Variants in SLC6A2 observed in about 807,000 individuals in gnomAD.
SLC6A2 encodes solute carrier family 6 member 2.
Under a neutral mutation model 71.7 loss-of-function variants are expected in SLC6A2, and 26 were observed. That is an observed-to-expected ratio of 0.36 (90% CI 0.27 to 0.50). The LOEUF (loss-of-function observed/expected upper bound fraction) is 0.50, where lower values mean the gene tolerates loss of function less well. SLC6A2 is among the 20% of genes least tolerant of loss of function. The pLI is 0.96. For synonymous variants in SLC6A2, 363 were observed against 337.9 expected (o/e 1.07, Z -0.82); for missense variants, 581 against 803.9 (o/e 0.72, Z 3.35).
At chr16:55,674,291 G>T (rs1459777009) in intron 4 of SLC6A2, among the ~76,000 whole-genome samples, 1 of 152,028 alleles carries the variant, frequency 6.6e-6, no homozygotes, top group African/African-American at 2.4e-5. Flanking sequence ...TGCAGTATTT[G>T]GTTTTCTGTT....
Position 55,672,134 on chromosome 16 carries a change from G to A in SLC6A2, c.603G>A (p.Lys201=), listed in dbSNP as rs953897028. ...LNGSVLGNHT[K]YSKYKFTPAA... Reference sequence around the variant, plus strand: ...GCTCCGTGCTTGGCAACCACACCAAGTACTCCAAGTACAAGTTCACGCCGG... The same window carrying A: ...GCTCCGTGCTTGGCAACCACACCAAATACTCCAAGTACAAGTTCACGCCGG... The change falls in exon 4 of 15, where the codon AAG becomes AAA. Residue 201 remains lysine, a synonymous_variant. Transcript: ENST00000568943. 6.2e-7 allele frequency: 1 copy of A among 1,614,164 alleles called. No individual in the cohort carries two copies. The highest frequency in any genetic ancestry group is 2.2e-5 in the East Asian group (1 of 44,882).
At chr16:55,689,913 C>A (rs1965561970) in intron 5 of SLC6A2, among the ~76,000 whole-genome samples, 1 of 152,244 alleles carries the variant, frequency 6.6e-6, no homozygotes, top group South Asian at 2.1e-4. Context: ...CTGATTCCTT[C>A]TGAGCCCAGA....
chr16:55,674,478 G>A (rs1965021159), intron 4 of SLC6A2, among the ~76,000 whole-genome samples: 1 of 151,542 alleles, frequency 6.6e-6, no homozygotes, highest in South Asian at 2.1e-4. Context: ...AGGCTGGAGT[G>A]CAGTGGTGTG....
intron 4 of SLC6A2, among the ~76,000 whole-genome samples, chr16:55,683,570 A>G (rs538038675): frequency 4.6e-5 from 7 of 152,238 alleles, no homozygotes; most frequent in African/African-American, 1.4e-4. Context: ...CCGTCATCGC[A>G]CCATTGCACT....
intron 11 of SLC6A2, among the ~76,000 whole-genome samples, chr16:55,698,787 G>C (rs1291167324): frequency 6.6e-6 from 1 of 152,130 alleles, no homozygotes; most frequent in African/African-American, 2.4e-5. Context: ...CCTAAAAGAG[G>C]AACCCTTAGG....
intron 11 of SLC6A2, 119 bp downstream of exon 11, chr16:55,698,687 T>A: frequency 1.3e-6 from 1 of 751,496 alleles, no homozygotes; most frequent in Admixed American, 2.0e-5. Context: ...GTCCAGCAAG[T>A]CACTTATTGG....
At chr16:55,685,120 C>A (rs377214403) in intron 4 of SLC6A2, 23 bp from the exon 5 acceptor site, 103 of 1,613,556 alleles carry the variant, frequency 6.4e-5, no homozygotes, top group Middle Eastern at 1.6e-4. Flanking sequence ...TTACCCTGGT[C>A]CCCTCCCCTC....
chr16:55,687,393 G>A (rs111581391), intron 5 of SLC6A2, among the ~76,000 whole-genome samples: 226 of 152,318 alleles, frequency 1.5e-3, no homozygotes, highest in African/African-American at 5.3e-3. Context: ...GAGAAAGGAA[G>A]CTCTTTCAAC....
chr16:55,669,755 G>A (rs1964853307), intron 3 of SLC6A2, 59 bp downstream of exon 3: 5 of 1,590,860 alleles, frequency 3.1e-6, no homozygotes, highest in Admixed American at 1.7e-5. Context: ...GTTGCCCTTG[G>A]GGAATCTGCT....
At chr16:55,660,780 G>A (rs12232407) in intron 2 of SLC6A2, among the ~76,000 whole-genome samples, 97,343 of 152,038 alleles carry the variant, frequency 0.64, 31,390 homozygotes, top group Non-Finnish European at 0.67. Flanking sequence ...GGACTCACCC[G>A]GTCTGTTATT....
intron 3 of SLC6A2, among the ~76,000 whole-genome samples, chr16:55,671,082 G>C (rs1368505931): frequency 6.6e-6 from 1 of 152,240 alleles, no homozygotes; most frequent in Non-Finnish European, 1.5e-5. Flanking sequence ...TCCAATCAGG[G>C]AGTGCTTGCT....
rs138830421 is a variant in SLC6A2, at chr16:55,676,258, C to T, written c.644+4083C>T. On this transcript the variant is annotated intron_variant, in intron 4 of 14. Coordinates refer to ENST00000568943, the MANE Select transcript of SLC6A2 (RefSeq NM_001172501.3). ...GAACATCAGCATCTGCTGTAAGAAA[C>T]CTGTCTTCCTCACCATCACATTAAT... 3.0e-3 allele frequency among the ~76,000 whole-genome samples: 454 copies of T among 152,308 alleles called. 8 individuals are homozygous for T. The highest frequency in any genetic ancestry group is 0.01 in the African/African-American group (430 of 41,564).
At chr16:55,693,874 G>A in intron 6 of SLC6A2, 136 bp from the exon 7 acceptor site, 1 of 750,074 alleles carries the variant, frequency 1.3e-6, no homozygotes, top group South Asian at 1.4e-5. Context: ...GAGTTGCCAG[G>A]GCTGCCCATC....
chr16:55,688,636 C>T (rs1008245967), intron 5 of SLC6A2, among the ~76,000 whole-genome samples: 1 of 152,180 alleles, frequency 6.6e-6, no homozygotes, highest in African/African-American at 2.4e-5. Flanking sequence ...ATTGCTGGGT[C>T]CCTCTTTGAG....
Position 55,702,973 on chromosome 16 carries a change from G to A in SLC6A2, c.*627G>A. The A allele has an allele frequency of 1.0e-6, 1 of 988,258 alleles. No individual in the cohort carries two copies. The highest frequency in any genetic ancestry group is 1.7e-5 in the African/African-American group (1 of 57,348). 61.2% of individuals were successfully genotyped at this position (988,258 alleles called of 1,614,324 possible). A position where few individuals can be genotyped will look rare whatever the true frequency, so the allele number is the denominator to read the frequency against. ...AACATTCATAGTTAATTTTCACTCT[G>A]GCCAATCTGAGTTTGATGTGTGTGT... On this transcript the variant is annotated 3_prime_UTR_variant, in exon 15 of 15. Coordinates refer to ENST00000568943, the MANE Select transcript of SLC6A2 (RefSeq NM_001172501.3).
At chr16:55,667,257 G>A (rs1290614107) in intron 2 of SLC6A2, among the ~76,000 whole-genome samples, 1 of 152,144 alleles carries the variant, frequency 6.6e-6, no homozygotes, top group African/African-American at 2.4e-5. Flanking sequence ...GATCCTCAAG[G>A]GGAGTAGCAG....
chr16:55,669,308 T>C (rs910491800), intron 2 of SLC6A2, among the ~76,000 whole-genome samples: 3 of 152,234 alleles, frequency 2.0e-5, no homozygotes, highest in Non-Finnish European at 4.4e-5. Flanking sequence ...AGGAGAAGCC[T>C]GCAAGAAGCA....
intron 4 of SLC6A2, among the ~76,000 whole-genome samples, chr16:55,680,363 C>A (rs1403613542): frequency 6.6e-6 from 1 of 152,138 alleles, no homozygotes; most frequent in East Asian, 1.9e-4. Flanking sequence ...TATCGACTCA[C>A]ACGATAACAA....
chr16:55,684,307 A>AG (rs1382968469), intron 4 of SLC6A2, among the ~76,000 whole-genome samples: 2 of 151,278 alleles, frequency 1.3e-5, no homozygotes, highest in African/African-American at 4.9e-5. Flanking sequence ...TCTCAAAAAA[A>AG]AAAAAAAAAA....
Sources: gnomAD v4.1 joint callset for allele counts (sites outside exome capture counted in the v4.1 genomes callset) on GRCh38, gnomAD v4.1.1 for gene constraint, MANE v1.5 for transcripts, NCBI Gene and HGNC (gene_info 2026-07-23, HGNC 2026-07-21) for gene names.